Variants in DNAJC13 observed in about 807,000 individuals in gnomAD.
The protein encoded by DNAJC13 is DnaJ heat shock protein family (Hsp40) member C13.
In DNAJC13, 75 loss-of-function variants were observed where a neutral mutation model predicts 290.5. The observed-to-expected ratio is 0.26, with a 90% CI of 0.21 to 0.31. The LOEUF is 0.31. Among genes scored for constraint, DNAJC13 ranks in the 10% least tolerant of loss-of-function variants. DNAJC13 has a pLI of 1.00. For synonymous variants in DNAJC13, 862 were observed against 892.0 expected, an observed-to-expected ratio of 0.97 and a Z score of 0.60; for missense variants, 2,260 against 2,674.5, an observed-to-expected ratio of 0.85 and a Z score of 3.42.
rs1008202714 is a variant in DNAJC13 at position 132,522,974 on chromosome 3, A to G, written c.5820A>G (p.Thr1940=). The G allele has an allele frequency of 1.1e-5, 17 of 1,611,020 alleles. No individual in the cohort carries two copies. Among genetic ancestry groups the G allele is most frequent in the Non-Finnish European group, 1.4e-5 (16 of 1,179,274 alleles). ...WNDNSRDKVS[T]TVREMMLEHF... ...ATAATTCCAGAGATAAAGTGTCCAC[A>G]ACAGTTAGGGAAATGATGCTAGAGT... The change falls in exon 49 of 56, where the codon ACA becomes ACG. Residue 1940 remains threonine, a synonymous_variant. Transcript: ENST00000260818.
intron 5 of DNAJC13, 101 bp from the exon 6 acceptor site, chr3:132,450,546 G>A (rs2107664000): frequency 1.3e-6 from 1 of 741,998 alleles, no homozygotes; most frequent in Non-Finnish European, 2.1e-6. Flanking sequence ...TACGATGACA[G>A]TTAGATTTTT....
rs190052100 is a variant in DNAJC13 at position 132,460,309 on chromosome 3, G to A, written c.1509G>A (p.Ser503=). The part of the protein sequence containing the change: ...QEQLNKASLL[S]SKKFLENLLE... ...AGTTGAACAAAGCTTCTCTTCTCTCGTCAAAGAAGTTTCTGGAAAACTTAC... is the reference window on the plus strand; with the variant it reads ...AGTTGAACAAAGCTTCTCTTCTCTCATCAAAGAAGTTTCTGGAAAACTTAC... Residue 503 remains serine (S), a synonymous_variant, in exon 14 of 56, where the codon TCG becomes TCA. Coordinates refer to ENST00000260818, the MANE Select transcript of DNAJC13 (RefSeq NM_015268.4). 49 of 1,611,176 alleles carry A rather than the reference G, an allele frequency of 3.0e-5. No individual in the cohort carries two copies. The highest frequency in any genetic ancestry group is 1.7e-4 in the Admixed American group (10 of 59,834).
chr3:132,485,103 C>G (rs1170261587), intron 29 of DNAJC13, among the ~76,000 whole-genome samples: 1 of 151,814 alleles, frequency 6.6e-6, no homozygotes, highest in African/African-American at 2.4e-5. Context: ...AGGAAAAGGC[C>G]TGTACTTTGA....
chr3:132,467,029 A>G, intron 19 of DNAJC13, 141 bp from the exon 20 acceptor site: 2 of 926,130 alleles, frequency 2.2e-6, no homozygotes, highest in Non-Finnish European at 3.0e-6. Flanking sequence ...GTATAATTGT[A>G]GAAGTTTTCA....
rs768477644 is a variant in DNAJC13 at position 132,488,294 on chromosome 3, T to TC, written c.3268-3dup. ...CCAATAAAAACATTTTAATTTTTTT[T>TC]CAGCTACTGCTGACCTTTGACCCTA... On this transcript the variant is annotated splice_region_variant and splice_polypyrimidine_tract_variant and intron_variant, in intron 29 of 55. Transcript: ENST00000260818. 1.1e-5 allele frequency: 18 copies of TC among 1,577,244 alleles called. No individual in the cohort carries two copies. The highest frequency in any genetic ancestry group is 5.9e-5 in the South Asian group (5 of 84,732).
At chr3:132,522,717 A>C (rs1936128254) in intron 48 of DNAJC13, 111 bp from the exon 49 acceptor site, 3 of 905,414 alleles carry the variant, frequency 3.3e-6, no homozygotes, top group Non-Finnish European at 4.9e-6. Context: ...TATGGCCCAC[A>C]TAAGTCATAA....
Position 132,456,506 on chromosome 3 carries a change from A to C in DNAJC13, c.1105A>C (p.Asn369His), listed in dbSNP as rs1475013549. 10 of 1,613,758 alleles carry C rather than the reference A, an allele frequency of 6.2e-6. No individual in the cohort carries two copies. The highest frequency in any genetic ancestry group is 7.6e-6 in the Non-Finnish European group (9 of 1,179,908). The change falls in exon 11 of 56, where the codon AAC becomes CAC. Residue 369 changes from asparagine (N) to histidine (H), a missense_variant. Around this residue, in one of 3 missense-constraint regions of DNAJC13, gnomAD observed 762 missense variants for 964.1 expected, o/e 0.79. Coordinates refer to ENST00000260818, the MANE Select transcript of DNAJC13 (RefSeq NM_015268.4). ...LRFLATPPNG[N>H]FADAVFRFNA... ...ACCTCTTAATCTCTTTACAGATGGC[A>C]ACTTTGCAGATGCTGTATTCAGGTT...
At chr3:132,471,166 G>A (rs1934231873) in intron 20 of DNAJC13, among the ~76,000 whole-genome samples, 1 of 124,904 alleles carries the variant, frequency 8.0e-6, no homozygotes, top group African/African-American at 3.1e-5. Flanking sequence ...CGGCTGAGGG[G>A]CTCCTCACTT....
At chr3:132,502,609 T>C in intron 40 of DNAJC13, 141 bp downstream of exon 40, 1 of 708,010 alleles carries the variant, frequency 1.4e-6, no homozygotes, top group Non-Finnish European at 2.1e-6. Flanking sequence ...TTTTTAAACC[T>C]AATCACTTAC....
At chr3:132,486,234 A>G (rs1289008811) in intron 29 of DNAJC13, among the ~76,000 whole-genome samples, 2 of 151,732 alleles carry the variant, frequency 1.3e-5, no homozygotes, top group African/African-American at 2.4e-5. Context: ...AACTATTACC[A>G]CATCCCCTTT....
Position 132,496,656 on chromosome 3 carries a change from T to G in DNAJC13, c.4149T>G (p.His1383Gln). The G allele has an allele frequency of 6.2e-7, 1 of 1,605,904 alleles. No individual in the cohort carries two copies. The highest frequency in any genetic ancestry group is 2.2e-5 in the East Asian group (1 of 44,578). ...LKTQSILFNR[H>Q]KEDLQPYKYA... The stretch of plus-strand genomic sequence containing the variant: ...CACAGAGCATCCTCTTCAACCGTCA[T>G]AAAGAAGGTAAGATGTCTGTTCTCA... The change falls in exon 36 of 56, where the codon CAT becomes CAG. Residue 1383 changes from histidine (H) to glutamine (Q), a missense_variant. Transcript: ENST00000260818.
intron 55 of DNAJC13, among the ~76,000 whole-genome samples, chr3:132,531,747 A>G (rs1246405784): frequency 1.3e-5 from 2 of 152,040 alleles, no homozygotes; most frequent in East Asian, 3.9e-4. Context: ...CAGTGAGCCA[A>G]GATTGCGCCA....
chr3:132,528,111 C>T (rs1424034285), intron 53 of DNAJC13, 78 bp from the exon 54 acceptor site: 1 of 1,557,494 alleles, frequency 6.4e-7, no homozygotes, highest in Admixed American at 1.7e-5. Flanking sequence ...CCAGGTAGGT[C>T]CTGGGGGTAA....
At chr3:132,464,210 G>A (rs1025546529) in intron 17 of DNAJC13, among the ~76,000 whole-genome samples, 12 of 152,144 alleles carry the variant, frequency 7.9e-5, no homozygotes, top group Non-Finnish European at 1.3e-4. Context: ...AAATATCTTT[G>A]GTCAAATACT....
At chr3:132,423,462 G>C (rs954427946) in intron 1 of DNAJC13, among the ~76,000 whole-genome samples, 12 of 152,174 alleles carry the variant, frequency 7.9e-5, no homozygotes, top group Non-Finnish European at 1.6e-4. Context: ...CTAAGGCTAT[G>C]GGGTTTCTCT....
intron 19 of DNAJC13, 106 bp from the exon 20 acceptor site, chr3:132,467,064 C>T (rs1158255579): frequency 4.0e-6 from 5 of 1,237,674 alleles, no homozygotes; most frequent in Admixed American, 6.1e-5. Context: ...TGAACCATAA[C>T]ATCCAGCATT....
At chr3:132,466,210 A>G (rs183994962) in intron 18 of DNAJC13, 89 bp from the exon 19 acceptor site, 2 of 1,461,602 alleles carry the variant, frequency 1.4e-6, no homozygotes, top group African/African-American at 1.4e-5. Context: ...TTTACCCTCA[A>G]TAGCTAAGCC....
At chr3:132,503,159 A>G in intron 40 of DNAJC13, 55 bp from the exon 41 acceptor site, 5 of 1,560,230 alleles carry the variant, frequency 3.2e-6, no homozygotes, top group Non-Finnish European at 4.4e-6. Context: ...AAATTATAGT[A>G]TTACCTATGT....
intron 1 of DNAJC13, among the ~76,000 whole-genome samples, chr3:132,421,146 A>G (rs1938948575): frequency 6.6e-6 from 1 of 152,192 alleles, no homozygotes; most frequent in Non-Finnish European, 1.5e-5. Context: ...AGTAACATAT[A>G]TGTGAATGTA....
Sources: allele counts gnomAD v4.1 joint callset (sites outside exome capture counted in the v4.1 genomes callset), GRCh38; gene constraint gnomAD v4.1.1; regional missense constraint gnomAD v4.1.1; transcripts MANE v1.5; gene names NCBI Gene and HGNC (gene_info 2026-07-23, HGNC 2026-07-21).